NACC1: variants seen among roughly 807,000 people sequenced by gnomAD.
The protein encoded by NACC1 is nucleus accumbens associated 1, also known as nucleus accumbens-associated protein 1.
In NACC1, 6 loss-of-function variants were observed where a neutral mutation model predicts 41.7. The ratio of observed to expected loss-of-function variants is 0.14; its 90% CI spans 0.08 to 0.28. The LOEUF is 0.28. Ranked by LOEUF, NACC1 falls within the 10% of genes least tolerant of loss-of-function variation. The pLI is 1.00. For missense variants in NACC1, 434 were observed against 763.7 expected (o/e 0.57, Z 5.09); for synonymous variants, 338 against 330.6 (o/e 1.02, Z -0.24).
Position 13,136,156 on chromosome 19 carries a change from G to A in NACC1, c.946+3G>A, listed in dbSNP as rs747276201. The A allele has an allele frequency of 5.0e-6, 8 of 1,609,476 alleles. No individual in the cohort carries two copies. The highest frequency in any genetic ancestry group is 1.7e-5 in the Admixed American group (1 of 59,870). On this transcript the variant is annotated splice_donor_region_variant and intron_variant, in intron 2 of 5. Transcript: ENST00000292431. This position sits in a 1 kb window ranked among gnomAD's most constrained non-coding sequence, Gnocchi z 5.5. ...CATGATGAACGTCGGCCAGACAGGT[G>A]AGGTGCCGTCCTGTCCCCCATCCCA...
At chr19:13,120,331 C>T (rs1398628900) in intron 1 of NACC1, among the ~76,000 whole-genome samples, 1 of 152,204 alleles carries the variant, frequency 6.6e-6, no homozygotes, top group African/African-American at 2.4e-5. Context: ...CCCACTTTGG[C>T]CCCCAGTCGG....
intron 1 of NACC1, among the ~76,000 whole-genome samples, chr19:13,123,480 C>A (rs890955454): frequency 6.6e-6 from 1 of 152,158 alleles, no homozygotes; most frequent in Non-Finnish European, 1.5e-5. Context: ...GCGGAGACTG[C>A]TCATTCCCGG....
Position 13,135,705 on chromosome 19 carries a change from G to A in NACC1, c.498G>A (p.Val166=), listed in dbSNP as rs1259534278. 1 of 1,553,542 alleles carries A rather than the reference G, an allele frequency of 6.4e-7. No individual in the cohort carries two copies. The highest frequency in any genetic ancestry group is 2.4e-5 in the East Asian group (1 of 42,248). The change falls in exon 2 of 6, where the codon GTG becomes GTA. Residue 166 remains valine, a synonymous_variant. Transcript: ENST00000292431. ...CSTPLPLVSR[V]KTEQQESDSV... ...CCCCGCTGCCCCTCGTGTCGCGGGT[G>A]AAGACGGAGCAGCAGGAGTCGGACT...
In NACC1 at chr19:13,138,536, GCC is replaced by G. The variant is rs1359027412; in HGVS notation, c.*133_*134del. The G allele has an allele frequency of 4.7e-5, 64 of 1,354,910 alleles. No individual in the cohort carries two copies. The highest frequency in any genetic ancestry group is 6.4e-5 in the Non-Finnish European group (64 of 1,002,128). The allele number at this position is 1,354,910 out of a possible 1,614,324, so 83.9% of individuals were successfully genotyped here. On this transcript the variant is annotated 3_prime_UTR_variant, in exon 6 of 6. Transcript: ENST00000292431. This position sits in a 1 kb window ranked among gnomAD's most constrained non-coding sequence, Gnocchi z 5.7. ...GGGTGCTGCATGTTCCCGGCCCTCT[GCC>G]CCTCCTGTCCTACCCCCTTTCCCCA...
Position 13,138,385 on chromosome 19 carries a change from C to T in NACC1, c.1563C>T (p.Pro521=). ...CCAGCCACGAGGGCGAGGCGGGTCC[C>T]TCGGCTGAAGCCCTGCAGTAACCCG... is the stretch of plus-strand genomic sequence containing the variant. The part of the protein sequence containing the change: ...ETASHEGEAG[P]SAEALQ The change falls in exon 6 of 6, where the codon CCC becomes CCT. Residue 521 remains proline, a synonymous_variant. Coordinates refer to ENST00000292431, the MANE Select transcript of NACC1 (RefSeq NM_052876.4). The surrounding 1 kb of genome is among the most constrained non-coding windows in gnomAD (Gnocchi z 5.7). 6.2e-7 allele frequency: 1 copy of T among 1,611,954 alleles called. No homozygotes were observed. Among genetic ancestry groups the T allele is most frequent in the East Asian group, 2.2e-5 (1 of 44,848 alleles).
At position 13,138,610 on chromosome 19, in the gene NACC1, C is replaced by T. The variant is rs894463059; in HGVS notation, c.*204C>T. On this transcript the variant is annotated 3_prime_UTR_variant, in exon 6 of 6. Transcript: ENST00000292431. This position sits in a 1 kb window ranked among gnomAD's most constrained non-coding sequence, Gnocchi z 5.7. ...GACCGCAGGGCAGGTGGCGTGAGGT[C>T]CGTGTTGCCTTCTTTAACACACACT... 2 of 707,048 alleles carry T rather than the reference C, an allele frequency of 2.8e-6. No homozygotes were observed. The highest frequency in any genetic ancestry group is 1.8e-5 in the African/African-American group (1 of 55,854). The allele number at this position is 707,048 out of a possible 1,614,324, so 43.8% of individuals were successfully genotyped here.
At chr19:13,130,109 C>T (rs755766069) in intron 1 of NACC1, among the ~76,000 whole-genome samples, 1 of 152,106 alleles carries the variant, frequency 6.6e-6, no homozygotes, top group Non-Finnish European at 1.5e-5. Context: ...CAGGGTCTCG[C>T]TCTATGACCC....
At position 13,122,834 on chromosome 19, in the gene NACC1, C is replaced by T. The variant is rs143983744; in HGVS notation, c.-9+4380C>T. 5.3e-5 allele frequency among the ~76,000 whole-genome samples: 8 copies of T among 152,250 alleles called. No individual in the cohort carries two copies. In the East Asian group the frequency reaches 7.7e-4, roughly 15 times the overall value. On this transcript the variant is annotated intron_variant, in intron 1 of 5. Coordinates refer to ENST00000292431, the MANE Select transcript of NACC1 (RefSeq NM_052876.4). ...ATGTCTTCTACTCCCAGGGAGTTTG[C>T]GGCCCAGCACGGGGCCAGGGGATAC...
Position 13,136,274 on chromosome 19 carries a change from C to A in NACC1, c.989C>A (p.Ser330Tyr). The stretch of plus-strand genomic sequence containing the variant: ...CTCCCGGAGCAGGTAGCCCCCGAGT[C>A]CCGAAATCGCATCCGGGTTCGGCAA... ...EALPEQVAPE[S>Y]RNRIRVRQDL... Residue 330 changes from serine to tyrosine, a missense_variant, in exon 3 of 6, where the codon TCC (serine) becomes TAC (tyrosine). By Grantham distance (144) the Ser-to-Tyr change is moderately radical. Transcript: ENST00000292431. The surrounding 1 kb of genome is among the most constrained non-coding windows in gnomAD (Gnocchi z 5.5). 1 of 1,614,036 alleles carries A rather than the reference C, an allele frequency of 6.2e-7. No homozygotes were observed. Among genetic ancestry groups the A allele is most frequent in the Non-Finnish European group, 8.5e-7 (1 of 1,179,946 alleles).
At chr19:13,126,440 G>A (rs1314012710) in intron 1 of NACC1, among the ~76,000 whole-genome samples, 2 of 152,136 alleles carry the variant, frequency 1.3e-5, no homozygotes, top group African/African-American at 2.4e-5. Context: ...AGCATCTGTC[G>A]ACGGCCATGT....
At chr19:13,135,155 G>A (rs559289594) in intron 1 of NACC1, 45 bp from the exon 2 acceptor site, 138 of 1,493,714 alleles carry the variant, frequency 9.2e-5, no homozygotes, top group South Asian at 4.6e-4. Context: ...GCCTGACCCC[G>A]TCCCTCCGTC....
chr19:13,120,094 G>A (rs752472685), intron 1 of NACC1, among the ~76,000 whole-genome samples: 2 of 152,152 alleles, frequency 1.3e-5, no homozygotes, highest in South Asian at 2.1e-4. Flanking sequence ...TGCTCACCCC[G>A]GGGGATGGGT....
chr19:13,123,292 G>A (rs933425314), intron 1 of NACC1, among the ~76,000 whole-genome samples: 5 of 152,148 alleles, frequency 3.3e-5, no homozygotes, highest in East Asian at 1.9e-4. Context: ...ATGTAACTCC[G>A]AAGGGTGGGC....
chr19:13,122,179 C>T (rs1315408769), intron 1 of NACC1, among the ~76,000 whole-genome samples: 2 of 152,210 alleles, frequency 1.3e-5, no homozygotes, highest in African/African-American at 4.8e-5. Flanking sequence ...CTCCAGCCTT[C>T]TCATGTGCTG....
chr19:13,134,124 C>G (rs1410409907), intron 1 of NACC1, among the ~76,000 whole-genome samples: 4 of 152,116 alleles, frequency 2.6e-5, no homozygotes, highest in African/African-American at 9.7e-5. Flanking sequence ...GGCGCAATCA[C>G]AGCTCACTGC....
chr19:13,138,821 C>T lies in NACC1; in HGVS notation c.*415C>T, dbSNP rs1465770092. 5.2e-6 allele frequency: 1 copy of T among 193,938 alleles called. No homozygotes were observed. Among genetic ancestry groups the T allele is most frequent in the African/African-American group, 2.3e-5 (1 of 43,110 alleles). 12.0% of individuals were successfully genotyped at this position (193,938 alleles called of 1,614,324 possible). A position where few individuals can be genotyped will look rare whatever the true frequency, so the allele number is the denominator to read the frequency against. On this transcript the variant is annotated 3_prime_UTR_variant, in exon 6 of 6. Coordinates refer to ENST00000292431, the MANE Select transcript of NACC1 (RefSeq NM_052876.4). The surrounding 1 kb of genome is among the most constrained non-coding windows in gnomAD (Gnocchi z 5.7). Reference sequence around the variant, plus strand: ...CAGCCCCTTGGGACTTGAGGGGGGCCCCAGGGGTTCTCAGGACCCCTCCCA... The same window carrying T: ...CAGCCCCTTGGGACTTGAGGGGGGCTCCAGGGGTTCTCAGGACCCCTCCCA...
intron 1 of NACC1, among the ~76,000 whole-genome samples, chr19:13,124,558 C>G (rs2145613526): frequency 6.6e-6 from 1 of 152,270 alleles, no homozygotes; most frequent in South Asian, 2.1e-4. Flanking sequence ...TTGTTCTTCA[C>G]TAACTGTTTT....
Position 13,135,504 on chromosome 19 carries a change from G to C in NACC1, c.297G>C (p.Leu99=). 6.2e-7 allele frequency: 1 copy of C among 1,613,810 alleles called. No homozygotes were observed. Among genetic ancestry groups the C allele is most frequent in the Non-Finnish European group, 8.5e-7 (1 of 1,179,948 alleles). The stretch of plus-strand genomic sequence containing the variant: ...GCATGAACGTGGGCGACCAGTTCCT[G>C]CTCATGTACACGGCTGGCTTCCTGC... ...RLSMNVGDQF[L]LMYTAGFLQI... The change falls in exon 2 of 6, where the codon CTG becomes CTC. Residue 99 remains leucine (L), a synonymous_variant. Coordinates refer to ENST00000292431, the MANE Select transcript of NACC1 (RefSeq NM_052876.4).
intron 1 of NACC1, among the ~76,000 whole-genome samples, chr19:13,124,383 G>T (rs2019536819): frequency 1.3e-5 from 2 of 152,042 alleles, no homozygotes; most frequent in Admixed American, 1.3e-4. Flanking sequence ...CTGGGCGACA[G>T]AGGAAGACTG....
Sources: gnomAD v4.1 joint callset for allele counts (sites outside exome capture counted in the v4.1 genomes callset) on GRCh38, gnomAD v4.1.1 for gene constraint, Gnocchi (gnomAD v3.1) non-coding constraint, MANE v1.5 for transcripts, NCBI Gene and HGNC (gene_info 2026-07-23, HGNC 2026-07-21) for gene names.